Variants in IL7 observed in about 807,000 individuals in gnomAD.
IL7 encodes interleukin 7, also known as interleukin-7.
A neutral mutation model predicts 21.6 loss-of-function variants in IL7; 3 were observed. The observed-to-expected ratio is 0.14, with a 90% confidence interval of 0.06 to 0.36. IL7 has a LOEUF of 0.36. Ranked by LOEUF, IL7 falls within the 10% of genes least tolerant of loss-of-function variation. The pLI, the probability that IL7 is intolerant of heterozygous loss-of-function variation, is 1.00. For synonymous variants in IL7, 62 were observed against 68.1 expected (o/e 0.91, Z 0.44); for missense variants, 175 against 200.2 (o/e 0.87, Z 0.76).
intron 3 of IL7, among the ~76,000 whole-genome samples, chr8:78,693,494 A>G (rs558609279): frequency 8.2e-4 from 125 of 152,180 alleles, no homozygotes; most frequent in African/African-American, 2.8e-3. Context: ...AATGATGAAC[A>G]TTTTTTCATG....
At chr8:78,694,974 A>G (rs892908438) in intron 3 of IL7, among the ~76,000 whole-genome samples, 1 of 152,186 alleles carries the variant, frequency 6.6e-6, no homozygotes, top group Non-Finnish European at 1.5e-5. Context: ...GTTGATTGAT[A>G]GAGTCATTCT....
At chr8:78,698,603 C>A in intron 3 of IL7, 2 of 957,970 alleles carry the variant, frequency 2.1e-6, no homozygotes, top group South Asian at 2.3e-5. Flanking sequence ...TTTCATTCAT[C>A]TTCATTTCCT....
rs185581561 is a variant in IL7 at position 78,743,834 on chromosome 8, A to G, written c.148-3752T>C. Among the ~76,000 whole-genome samples, 241 of 151,558 alleles carry G rather than the reference A, an allele frequency of 1.6e-3. 2 individuals are homozygous for G. The highest frequency in any genetic ancestry group is 2.1e-3 in the Non-Finnish European group (140 of 67,856). The stretch of plus-strand genomic sequence containing the variant: ...CCTGGCACAATTTGGCCAATTTTCC[A>G]TAGGGCTGCTGTGGTTTGCTGGGGG... On this transcript the variant is annotated intron_variant, in intron 2 of 5. Coordinates refer to ENST00000263851, the MANE Select transcript of IL7 (RefSeq NM_000880.4).
chr8:78,804,840 G>GC (rs1392508894), intron 1 of IL7, 73 bp downstream of exon 1: 5 of 1,578,932 alleles, frequency 3.2e-6, no homozygotes, highest in Non-Finnish European at 4.3e-6. Flanking sequence ...AGGAGCAGGG[G>GC]CCCCCAGCGC....
At chr8:78,761,854 G>A in intron 2 of IL7, 1 of 1,611,886 alleles carries the variant, frequency 6.2e-7, no homozygotes, top group Non-Finnish European at 8.5e-7. Context: ...GACCTTCTGG[G>A]ATTTCATCAG....
intron 2 of IL7, among the ~76,000 whole-genome samples, chr8:78,786,408 A>T (rs1813511211): frequency 6.6e-6 from 1 of 152,206 alleles, no homozygotes; most frequent in Non-Finnish European, 1.5e-5. Flanking sequence ...CCATGAATGG[A>T]GCTTGCAGAA....
intron 2 of IL7, chr8:78,761,473 C>T: frequency 6.2e-7 from 1 of 1,610,846 alleles, no homozygotes; most frequent in Non-Finnish European, 8.5e-7. Context: ...TATTTAATCC[C>T]CACTTCTCAG....
In IL7 at chr8:78,760,667, A is replaced by G. The variant is rs1812522493; in HGVS notation, c.148-20585T>C. 4 of 1,594,306 alleles carry G rather than the reference A, an allele frequency of 2.5e-6. No homozygotes were observed. In the Admixed American group the frequency reaches 5.2e-5, roughly 21 times the overall value. On this transcript the variant is annotated intron_variant, in intron 2 of 5. Transcript: ENST00000263851. ...TGAGAATATATCTTTAAGTTCCTGA[A>G]TAATGTGCTCCACTGTTGGGACACT...
At chr8:78,795,095 T>G (rs535205370) in intron 2 of IL7, among the ~76,000 whole-genome samples, 1 of 152,098 alleles carries the variant, frequency 6.6e-6, no homozygotes, top group Non-Finnish European at 1.5e-5. Context: ...TCTTCTGTTG[T>G]GAAACGGAGG....
chr8:78,804,666 C>G (rs960845743), intron 1 of IL7, among the ~76,000 whole-genome samples: 1 of 152,220 alleles, frequency 6.6e-6, no homozygotes, highest in African/African-American at 2.4e-5. Context: ...GGACAGAAAG[C>G]AGGCGTTGGG....
chr8:78,690,986 T>G (rs1810193237), intron 3 of IL7, among the ~76,000 whole-genome samples: 1 of 152,200 alleles, frequency 6.6e-6, no homozygotes, highest in African/African-American at 2.4e-5. Context: ...TGTAGATTTC[T>G]TAGGACTTTT....
chr8:78,773,358 T>C (rs946457647), intron 2 of IL7, among the ~76,000 whole-genome samples: 1 of 152,164 alleles, frequency 6.6e-6, no homozygotes, highest in African/African-American at 2.4e-5. Flanking sequence ...AGAAATGGAC[T>C]TTTTTCTCAT....
At chr8:78,790,940 A>T (rs1368490324) in intron 2 of IL7, among the ~76,000 whole-genome samples, 1 of 152,012 alleles carries the variant, frequency 6.6e-6, no homozygotes. Flanking sequence ...AAAAAGTAAA[A>T]TGATTCATAT....
chr8:78,799,714 ATAG>A (rs1334276401), intron 1 of IL7, among the ~76,000 whole-genome samples: 3 of 152,088 alleles, frequency 2.0e-5, no homozygotes, highest in Non-Finnish European at 4.4e-5. Context: ...TAACACATAC[ATAG>A]TAGGTGCCAG....
chr8:78,760,547 A>G, intron 2 of IL7: 5 of 1,541,600 alleles, frequency 3.2e-6, no homozygotes, highest in Non-Finnish European at 4.4e-6. Flanking sequence ...ACTTCTATAC[A>G]TGTCAGCATG....
intron 3 of IL7, among the ~76,000 whole-genome samples, chr8:78,709,056 C>G (rs57230031): frequency 6.6e-6 from 1 of 152,144 alleles, no homozygotes; most frequent in African/African-American, 2.4e-5. Flanking sequence ...GAATTGTTCC[C>G]TAGAGTTTAC....
chr8:78,736,458 A>G lies in IL7; in HGVS notation c.414+16T>C, dbSNP rs1324017139. ...AACCTGATGAACCATAAGGAAAATT[A>G]TACAATTATTCTCACCAAACTCTTT... On this transcript the variant is annotated intron_variant, in intron 5 of 5. Transcript: ENST00000263851. The G allele has an allele frequency of 1.3e-6, 2 of 1,543,462 alleles. No individual in the cohort carries two copies. Among genetic ancestry groups the G allele is most frequent in the Middle Eastern group, 1.7e-4 (1 of 5,894 alleles).
intron 2 of IL7, among the ~76,000 whole-genome samples, chr8:78,743,058 T>A (rs1811850664): frequency 6.6e-6 from 1 of 152,176 alleles, no homozygotes; most frequent in Non-Finnish European, 1.5e-5. Flanking sequence ...AAGGACATGA[T>A]CTCATTGATC....
chr8:78,757,641 G>T (rs993627513), intron 2 of IL7, among the ~76,000 whole-genome samples: 26 of 151,866 alleles, frequency 1.7e-4, no homozygotes, highest in African/African-American at 6.3e-4. Flanking sequence ...TTACATACTA[G>T]ACCTCTTTAT....
Sources: gnomAD v4.1 joint callset for allele counts (sites outside exome capture counted in the v4.1 genomes callset) on GRCh38, gnomAD v4.1.1 for gene constraint, MANE v1.5 for transcripts, NCBI Gene and HGNC (gene_info 2026-07-23, HGNC 2026-07-21) for gene names.